The following RBM22 variants were observed in gnomAD, a reference collection of about 807,000 sequenced individuals.
RBM22 encodes the protein pre-mRNA-splicing factor RBM22.
A neutral mutation model predicts 50.1 loss-of-function variants in RBM22; 1 was observed. The observed-to-expected ratio is 0.02, with a 90% CI of 0.01 to 0.09. The LOEUF (loss-of-function observed/expected upper bound fraction) is 0.09. Ranked by LOEUF, RBM22 falls within the 10% of genes least tolerant of loss-of-function variation. RBM22 has a pLI of 1.00. For missense variants in RBM22, 264 were observed against 529.3 expected, an observed-to-expected ratio of 0.50 and a Z score of 4.92; for synonymous variants, 152 against 179.0, an observed-to-expected ratio of 0.85 and a Z score of 1.20.
At chr5:150,692,180 A>T (rs1056064349) in intron 10 of RBM22, among the ~76,000 whole-genome samples, 3 of 152,170 alleles carry the variant, frequency 2.0e-5, no homozygotes, top group Admixed American at 6.6e-5. Flanking sequence ...GATTTGGGAG[A>T]TAAGAAAGAA....
chr5:150,691,609 C>T lies in RBM22; in HGVS notation c.*142G>A. 1.0e-6 allele frequency: 1 copy of T among 984,814 alleles called. No individual in the cohort carries two copies. The highest frequency in any genetic ancestry group is 1.4e-6 in the Non-Finnish European group (1 of 721,562). The allele number at this position is 984,814 out of a possible 1,614,324, so 61.0% of individuals were successfully genotyped here. A position where few individuals can be genotyped will look rare whatever the true frequency, so the allele number is the denominator to read the frequency against. Reference sequence around the variant, plus strand: ...TTTGAACAAGTATAGGAAAGCATGGCTGTCAGTCTCTGACTGCTCACATCT... The same window carrying T: ...TTTGAACAAGTATAGGAAAGCATGGTTGTCAGTCTCTGACTGCTCACATCT... On this transcript the variant is annotated 3_prime_UTR_variant, in exon 11 of 11. Coordinates refer to ENST00000199814, the MANE Select transcript of RBM22 (RefSeq NM_018047.3).
chr5:150,699,853 G>C (rs1189989112), intron 2 of RBM22, among the ~76,000 whole-genome samples: 1 of 152,190 alleles, frequency 6.6e-6, no homozygotes, highest in Non-Finnish European at 1.5e-5. Context: ...CCGGAATATA[G>C]TAAATGTTCT....
At chr5:150,694,519 T>G in intron 7 of RBM22, 1 of 337,688 alleles carries the variant, frequency 3.0e-6, no homozygotes. Flanking sequence ...TTAAAGACCC[T>G]AAACCCTAGA....
chr5:150,696,660 C>A lies in RBM22; in HGVS notation c.418G>T (p.Ala140Ser). 2 of 1,614,200 alleles carry A rather than the reference C, an allele frequency of 1.2e-6. No individual in the cohort carries two copies. The highest frequency in any genetic ancestry group is 1.7e-6 in the Non-Finnish European group (2 of 1,180,038). Reference protein sequence around the residue: ...GTRPVGMLGKATSTSDMLLKL... With the variant: ...GTRPVGMLGKSTSTSDMLLKL... ...AGCAGCATGTCACTGGTAGATGTGG[C>A]TTTCCCCAGCATGCCAACTGGCCGT... Residue 140 changes from alanine (A) to serine (S), a missense_variant, in exon 6 of 11, where the codon GCC becomes TCC. Coordinates refer to ENST00000199814, the MANE Select transcript of RBM22 (RefSeq NM_018047.3). This position sits in a 1 kb window ranked among gnomAD's most constrained non-coding sequence, Gnocchi z 4.3.
chr5:150,697,628 GCCT>G (rs1210055520), intron 4 of RBM22: 1 of 197,122 alleles, frequency 5.1e-6, no homozygotes, highest in Non-Finnish European at 1.1e-5. Context: ...AGGACCAGAC[GCCT>G]CCTTAACAAA....
chr5:150,701,054 C>A lies in RBM22; in HGVS notation c.-69G>T. On this transcript the variant is annotated 5_prime_UTR_variant, in exon 1 of 11. Coordinates refer to ENST00000199814, the MANE Select transcript of RBM22 (RefSeq NM_018047.3). Reference sequence around the variant, plus strand: ...GAGGACCGCCACAATCCCGTCAAGCCCCGAGGCTAGCGCCGCGCCGGTCGG... The same window carrying A: ...GAGGACCGCCACAATCCCGTCAAGCACCGAGGCTAGCGCCGCGCCGGTCGG... 1 of 1,605,252 alleles carries A rather than the reference C, an allele frequency of 6.2e-7. No individual in the cohort carries two copies. The highest frequency in any genetic ancestry group is 1.1e-5 in the South Asian group (1 of 90,836).
At chr5:150,700,599 T>A in intron 1 of RBM22, 102 bp from the exon 2 acceptor site, 1 of 1,577,780 alleles carries the variant, frequency 6.3e-7, no homozygotes, top group African/African-American at 1.3e-5. Context: ...GGTGGGGAAC[T>A]AGGCACGGCA....
intron 10 of RBM22, 131 bp from the exon 11 acceptor site, chr5:150,692,012 G>T: frequency 9.6e-7 from 1 of 1,042,024 alleles, no homozygotes; most frequent in Non-Finnish European, 1.3e-6. Context: ...GCAAATGTCA[G>T]TTCACAAACT....
chr5:150,693,351 A>C (rs1469534252), intron 8 of RBM22, 44 bp from the exon 9 acceptor site: 1 of 1,455,434 alleles, frequency 6.9e-7, no homozygotes, highest in East Asian at 2.3e-5. Flanking sequence ...GGCCCACCTT[A>C]TCTCACACCT....
chr5:150,695,964 C>T (rs1759271076), intron 6 of RBM22, among the ~76,000 whole-genome samples: 1 of 147,412 alleles, frequency 6.8e-6, no homozygotes, highest in Admixed American at 6.9e-5. Flanking sequence ...TAAATAAATA[C>T]TCTTGACATG....
At position 150,690,949 on chromosome 5, in the gene RBM22, CAG is replaced by C. The variant is rs577391444; in HGVS notation, c.*800_*801del. 1.8e-4 allele frequency: 27 copies of C among 152,450 alleles called. No individual in the cohort carries two copies. Among genetic ancestry groups the C allele is most frequent in the African/African-American group, 6.5e-4 (27 of 41,564 alleles). 9.4% of individuals were successfully genotyped at this position (152,450 alleles called of 1,614,324 possible). ...CACGAAGGTGAATGCTGAAGACCATCAGAGTCCCAGCAGGAGGTCACGTCTTT... is the reference window on the plus strand; with the variant it reads ...CACGAAGGTGAATGCTGAAGACCATCAGTCCCAGCAGGAGGTCACGTCTTT... On this transcript the variant is annotated 3_prime_UTR_variant, in exon 11 of 11. Transcript: ENST00000199814.
rs370944542 is a variant in RBM22, at chr5:150,694,291, A to T, written c.747-51T>A. 20 of 1,564,434 alleles carry T rather than the reference A, an allele frequency of 1.3e-5. No individual in the cohort carries two copies. The African/African-American group carries it at 2.7e-4, about 21-fold the overall frequency. On this transcript the variant is annotated intron_variant, in intron 7 of 10. Coordinates refer to ENST00000199814, the MANE Select transcript of RBM22 (RefSeq NM_018047.3). ...TGAAAGTGGGAGTTAAAAAAGATGT[A>T]CCCAGGAGACTGAAAATGGATTAAC...
At chr5:150,694,001 T>C (rs1759241777) in intron 8 of RBM22, 75 bp downstream of exon 8, 1 of 1,547,864 alleles carries the variant, frequency 6.5e-7, no homozygotes, top group South Asian at 1.2e-5. Flanking sequence ...ACCAAAAGCC[T>C]ACTAGTCTCC....
intron 4 of RBM22, chr5:150,697,874 A>G (rs1436065894): frequency 4.9e-6 from 1 of 204,310 alleles, no homozygotes; most frequent in African/African-American, 2.4e-5. Flanking sequence ...CAATTGAAAT[A>G]AAAGTCTAAA....
At position 150,691,714 on chromosome 5, in the gene RBM22, C is replaced by T. The variant is rs912684635; in HGVS notation, c.*37G>A. On this transcript the variant is annotated 3_prime_UTR_variant, in exon 11 of 11. Transcript: ENST00000199814. ...AAGATTTACTGGGAGTTTTAAGTGC[C>T]CTTTCTTCCACAGAGCCCCAGAGTG... is the stretch of plus-strand genomic sequence containing the variant. 6.9e-7 allele frequency: 1 copy of T among 1,454,362 alleles called. No homozygotes were observed. Among genetic ancestry groups the T allele is most frequent in the Non-Finnish European group, 9.1e-7 (1 of 1,096,824 alleles). The allele number at this position is 1,454,362 out of a possible 1,614,324, so 90.1% of individuals were successfully genotyped here. A position where few individuals can be genotyped will look rare whatever the true frequency, so the allele number is the denominator to read the frequency against.
Position 150,696,422 on chromosome 5 carries a change from T to G in RBM22, c.545+111A>C. The stretch of plus-strand genomic sequence containing the variant: ...TTCTAAGACATGAGGTATACCACAT[T>G]AGTTGTATGACCTTTAGATTTTAAA... On this transcript the variant is annotated intron_variant, in intron 6 of 10. Coordinates refer to ENST00000199814, the MANE Select transcript of RBM22 (RefSeq NM_018047.3). This position sits in a 1 kb window ranked among gnomAD's most constrained non-coding sequence, Gnocchi z 4.3. The G allele has an allele frequency of 8.6e-7, 1 of 1,167,330 alleles. No homozygotes were observed. Among genetic ancestry groups the G allele is most frequent in the Non-Finnish European group, 1.2e-6 (1 of 822,492 alleles). 72.3% of individuals were successfully genotyped at this position (1,167,330 alleles called of 1,614,324 possible).
chr5:150,694,061 T>C lies in RBM22; in HGVS notation c.911+15A>G, dbSNP rs139864937. 27 of 1,605,480 alleles carry C rather than the reference T, an allele frequency of 1.7e-5. No individual in the cohort carries two copies. In the African/African-American group the frequency reaches 3.6e-4, roughly 21 times the overall value. Reference sequence around the variant, plus strand: ...ATCTAAGCAAAATGTCACTTAAAAATAGTTTAATTCTCACCTTCCCCATTT... The same window carrying C: ...ATCTAAGCAAAATGTCACTTAAAAACAGTTTAATTCTCACCTTCCCCATTT... On this transcript the variant is annotated intron_variant, in intron 8 of 10. Transcript: ENST00000199814.
intron 6 of RBM22, 135 bp from the exon 7 acceptor site, chr5:150,695,841 A>AGTT: frequency 1.4e-6 from 1 of 700,054 alleles, no homozygotes; most frequent in Non-Finnish European, 2.3e-6. Context: ...TATGGTTTCT[A>AGTT]CCAAAATATA....
rs766965555 is a variant in RBM22, at chr5:150,696,941, C to T, written c.272-50G>A. The T allele has an allele frequency of 2.0e-6, 3 of 1,503,604 alleles. No homozygotes were observed. The highest frequency in any genetic ancestry group is 4.5e-5 in the East Asian group (2 of 44,308). The allele number at this position is 1,503,604 out of a possible 1,614,324, so 93.1% of individuals were successfully genotyped here. On this transcript the variant is annotated intron_variant, in intron 4 of 10. Coordinates refer to ENST00000199814, the MANE Select transcript of RBM22 (RefSeq NM_018047.3). This position sits in a 1 kb window ranked among gnomAD's most constrained non-coding sequence, Gnocchi z 4.3. ...ACCTCAGATGTATTTTAAAACATAT[C>T]CATACTAACCATGCACACAGAATAC...
Sources: allele counts gnomAD v4.1 joint callset (sites outside exome capture counted in the v4.1 genomes callset), GRCh38; gene constraint gnomAD v4.1.1; non-coding constraint Gnocchi (gnomAD v3.1); transcripts MANE v1.5; gene names NCBI Gene and HGNC (gene_info 2026-07-23, HGNC 2026-07-21).